Variants in ERBB4 observed in about 807,000 individuals in gnomAD.
ERBB4 encodes the protein erb-b2 receptor tyrosine kinase 4.
A neutral mutation model predicts 158.0 loss-of-function variants in ERBB4; 42 were observed. That is an observed-to-expected ratio of 0.27 (90% confidence interval 0.21 to 0.34). The LOEUF (loss-of-function observed/expected upper bound fraction) is 0.34. Ranked by LOEUF, ERBB4 falls within the 10% of genes least tolerant of loss-of-function variation. The pLI is 1.00. For synonymous variants in ERBB4, 583 were observed against 558.7 expected, an observed-to-expected ratio of 1.04 and a Z score of -0.61; for missense variants, 1,333 against 1,624.1, an observed-to-expected ratio of 0.82 and a Z score of 3.08.
At chr2:212,461,260 C>T (rs1215444716) in intron 1 of ERBB4, among the ~76,000 whole-genome samples, 1 of 152,192 alleles carries the variant, frequency 6.6e-6, no homozygotes, top group Non-Finnish European at 1.5e-5. Context: ...GTAGCAGACA[C>T]TCAAAGCCAG....
At chr2:211,889,476 C>A (rs1002547311) in intron 3 of ERBB4, among the ~76,000 whole-genome samples, 5 of 151,566 alleles carry the variant, frequency 3.3e-5, no homozygotes, top group South Asian at 2.1e-4. Flanking sequence ...ACTGGAAACT[C>A]TAAAATGCAG....
intron 1 of ERBB4, among the ~76,000 whole-genome samples, chr2:212,399,812 G>T (rs1327272735): frequency 6.6e-6 from 1 of 151,768 alleles, no homozygotes; most frequent in African/African-American, 2.4e-5. Flanking sequence ...CCAGGAGGTG[G>T]AGGTTGCAGT....
intron 1 of ERBB4, among the ~76,000 whole-genome samples, chr2:212,511,814 T>G (rs1010940034): frequency 1.3e-5 from 2 of 148,702 alleles, no homozygotes; most frequent in South Asian, 4.1e-4. Flanking sequence ...ATGTCTTGCA[T>G]GTAAAAATTC....
intron 1 of ERBB4, among the ~76,000 whole-genome samples, chr2:212,527,434 C>T (rs1692509949): frequency 6.6e-6 from 1 of 152,022 alleles, no homozygotes. Context: ...TGGACACTAA[C>T]TACATGCACT....
chr2:212,469,851 C>A (rs1427252222), intron 1 of ERBB4, among the ~76,000 whole-genome samples: 1 of 152,062 alleles, frequency 6.6e-6, no homozygotes, highest in African/African-American at 2.4e-5. Context: ...TTTGGCACAT[C>A]CTGCACCTAT....
chr2:212,038,754 C>T (rs898018440), intron 2 of ERBB4, among the ~76,000 whole-genome samples: 4 of 151,966 alleles, frequency 2.6e-5, no homozygotes, highest in South Asian at 4.1e-4. Flanking sequence ...TAGCTAAGTG[C>T]TAGACTAAGA....
Position 211,386,818 on chromosome 2 carries a change from C to T in ERBB4, c.3481+35G>A, listed in dbSNP as rs527614739. 98 of 1,607,606 alleles carry T rather than the reference C, an allele frequency of 6.1e-5. No individual in the cohort carries two copies. In the South Asian group the frequency reaches 8.7e-4, roughly 14 times the overall value. Reference sequence around the variant, plus strand: ...TGTTTATCTTGATGGAAGTGAACTTCGAATGGCGATCGTTTCTGAATAATC... The same window carrying T: ...TGTTTATCTTGATGGAAGTGAACTTTGAATGGCGATCGTTTCTGAATAATC... On this transcript the variant is annotated intron_variant, in intron 27 of 27. Transcript: ENST00000342788.
intron 2 of ERBB4, among the ~76,000 whole-genome samples, chr2:211,972,995 G>T (rs1432359016): frequency 6.6e-6 from 1 of 151,962 alleles, no homozygotes; most frequent in Non-Finnish European, 1.5e-5. Flanking sequence ...CCTAAAAAAT[G>T]GGAGAAAATT....
intron 7 of ERBB4, 53 bp downstream of exon 7, chr2:211,722,340 T>C: frequency 6.9e-7 from 1 of 1,450,700 alleles, no homozygotes. Flanking sequence ...TAAAATTCTT[T>C]TGATTTCAAA....
chr2:212,131,134 T>A (rs553267320), intron 1 of ERBB4, among the ~76,000 whole-genome samples: 5 of 152,196 alleles, frequency 3.3e-5, no homozygotes, highest in African/African-American at 7.2e-5. Context: ...TTGTTATCTC[T>A]ATGTTCAAAA....
At chr2:212,525,301 T>A (rs1464455408) in intron 1 of ERBB4, among the ~76,000 whole-genome samples, 1 of 151,928 alleles carries the variant, frequency 6.6e-6, no homozygotes, top group Non-Finnish European at 1.5e-5. Flanking sequence ...GTCTTCAAGT[T>A]TAAAGCATAC....
At chr2:212,353,994 C>A (rs895584021) in intron 1 of ERBB4, among the ~76,000 whole-genome samples, 11 of 152,084 alleles carry the variant, frequency 7.2e-5, no homozygotes, top group African/African-American at 2.7e-4. Flanking sequence ...CTGACCTATA[C>A]TGAACATTTC....
intron 20 of ERBB4, among the ~76,000 whole-genome samples, chr2:211,530,590 T>G (rs1479118658): frequency 2.0e-5 from 3 of 152,108 alleles, no homozygotes; most frequent in African/African-American, 7.2e-5. Context: ...ATTACCTGAC[T>G]TCAACTTACA....
chr2:211,589,216 T>C (rs1039512392), intron 19 of ERBB4, among the ~76,000 whole-genome samples: 1 of 152,112 alleles, frequency 6.6e-6, no homozygotes, highest in Non-Finnish European at 1.5e-5. Context: ...TTTTTTAGAT[T>C]GTAAAATGTA....
chr2:211,837,866 T>C (rs902091526), intron 3 of ERBB4, among the ~76,000 whole-genome samples: 6 of 152,010 alleles, frequency 3.9e-5, no homozygotes, highest in Admixed American at 1.3e-4. Flanking sequence ...GACAATGCAG[T>C]TATAGAGGTG....
At chr2:212,290,932 A>C (rs1255814676) in intron 1 of ERBB4, among the ~76,000 whole-genome samples, 2 of 152,088 alleles carry the variant, frequency 1.3e-5, no homozygotes, top group Non-Finnish European at 2.9e-5. Context: ...AATGATTGTG[A>C]GTGTGTGTTT....
chr2:211,730,474 T>C (rs1456195183), intron 5 of ERBB4, among the ~76,000 whole-genome samples: 1 of 151,984 alleles, frequency 6.6e-6, no homozygotes, highest in Non-Finnish European at 1.5e-5. Flanking sequence ...TTTCCCTATC[T>C]CCTCTGTCTT....
intron 3 of ERBB4, among the ~76,000 whole-genome samples, chr2:211,942,737 T>A (rs966114224): frequency 6.6e-6 from 1 of 152,142 alleles, no homozygotes; most frequent in Non-Finnish European, 1.5e-5. Context: ...CATATGAATA[T>A]GTTGGTCTGA....
intron 3 of ERBB4, among the ~76,000 whole-genome samples, chr2:211,823,499 G>A (rs1320367710): frequency 6.6e-6 from 1 of 151,304 alleles, no homozygotes. Flanking sequence ...TTTTGCTTTA[G>A]GTTATTTTTG....
Sources: allele counts gnomAD v4.1 joint callset (sites outside exome capture counted in the v4.1 genomes callset), GRCh38; gene constraint gnomAD v4.1.1; transcripts MANE v1.5; gene names NCBI Gene and HGNC (gene_info 2026-07-23, HGNC 2026-07-21).